The following FCSK variants were observed in gnomAD, a reference collection of about 807,000 sequenced individuals.
FCSK encodes the protein L-fucose kinase.
FCSK carries 123 observed loss-of-function variants against 122.5 expected under a neutral mutation model. The observed-to-expected ratio is 1.00, with a 90% CI of 0.87 to 1.17. FCSK has a LOEUF of 1.17. FCSK is among the 50% of genes most tolerant of loss of function. FCSK has a pLI of 0.00. For missense variants in FCSK, 1,366 were observed against 1,450.4 expected (o/e 0.94, Z 0.95); for synonymous variants, 620 against 625.5 (o/e 0.99, Z 0.13).
At chr16:70,475,239 G>A (rs2048767561) in intron 18 of FCSK, 111 bp from the exon 19 acceptor site, 9 of 1,315,740 alleles carry the variant, frequency 6.8e-6, no homozygotes, top group South Asian at 1.3e-5. Context: ...CTGCTGCTGG[G>A]CTTTTGTCCC....
intron 8 of FCSK, among the ~76,000 whole-genome samples, chr16:70,468,247 C>G (rs1392663185): frequency 2.6e-5 from 4 of 152,136 alleles, no homozygotes; most frequent in Non-Finnish European, 5.9e-5. Flanking sequence ...CGTGGTGAAA[C>G]CCTGTCTCTA....
rs757475030 is a variant in FCSK at position 70,469,294 on chromosome 16, G to T, written c.926G>T (p.Arg309Met). The change falls in exon 10 of 24, where the codon AGG becomes ATG. Residue 309 changes from arginine to methionine, a missense_variant. Arg to Met is a moderately conservative substitution (Grantham distance 91, BLOSUM62 -1). Transcript: ENST00000288078. ...CAGAGCGCCCGGGCCCAGCTGTGGA[G>T]GGAGCTTCGCGATCAGCCCCTTACC... ...YLQSARAQLW[R>M]ELRDQPLTMA... The T allele has an allele frequency of 6.2e-7, 1 of 1,609,460 alleles. No individual in the cohort carries two copies. Among genetic ancestry groups the T allele is most frequent in the South Asian group, 1.1e-5 (1 of 90,878 alleles).
chr16:70,479,262 T>A lies in FCSK; in HGVS notation c.3012T>A (p.Thr1004=). 1 of 1,613,962 alleles carries A rather than the reference T, an allele frequency of 6.2e-7. No homozygotes were observed. Among genetic ancestry groups the A allele is most frequent in the Non-Finnish European group, 8.5e-7 (1 of 1,180,026 alleles). The stretch of plus-strand genomic sequence containing the variant: ...TGGCTCCAGGCTGTGAGCCCCTGAC[T>A]GTGCGGCGTATGATGGATGTCCTGG... ...KLMAPGCEPL[T]VRRMMDVLAP... The change falls in exon 23 of 24, where the codon ACT becomes ACA. Residue 1004 remains threonine (T), a synonymous_variant. Transcript: ENST00000288078.
intron 10 of FCSK, among the ~76,000 whole-genome samples, chr16:70,470,047 G>A (rs1475325789): frequency 6.6e-6 from 1 of 151,660 alleles, no homozygotes; most frequent in African/African-American, 2.4e-5. Flanking sequence ...ATTTCACCAT[G>A]TTGGTCAGGC....
At chr16:70,460,957 G>A (rs2048247370) in intron 1 of FCSK, among the ~76,000 whole-genome samples, 2 of 152,214 alleles carry the variant, frequency 1.3e-5, no homozygotes. Context: ...TGGAGGGAGG[G>A]CTTGGTGGGC....
intron 20 of FCSK, among the ~76,000 whole-genome samples, chr16:70,476,493 G>C (rs1359874999): frequency 6.6e-6 from 1 of 151,332 alleles, no homozygotes. Context: ...GGGACAGCAA[G>C]AGCCCAACAA....
intron 8 of FCSK, among the ~76,000 whole-genome samples, chr16:70,468,489 A>G (rs886979453): frequency 6.6e-6 from 1 of 152,178 alleles, no homozygotes; most frequent in African/African-American, 2.4e-5. Flanking sequence ...AAAGCCTAGA[A>G]CCAGAATGTG....
In FCSK at chr16:70,463,735, G is replaced by A. The variant is rs150311768; in HGVS notation, c.195G>A (p.Leu65=). 1 of 1,612,266 alleles carries A rather than the reference G, an allele frequency of 6.2e-7. No homozygotes were observed. Among genetic ancestry groups the A allele is most frequent in the African/African-American group, 1.3e-5 (1 of 74,876 alleles). ...GSGGATLNAL[L]VAAEHLSARA... is the part of the protein sequence containing the mutation. ...GAGGAGCCACCCTCAACGCCCTGCT[G>A]GTGGCTGCTGAACACCTGAGTGCCC... The change falls in exon 3 of 24, where the codon CTG becomes CTA. Residue 65 remains leucine (L), a synonymous_variant. Coordinates refer to ENST00000288078, the MANE Select transcript of FCSK (RefSeq NM_145059.3).
rs2048528223 is a variant in FCSK at position 70,469,171 on chromosome 16, T to C, written c.803T>C (p.Ile268Thr). The change falls in exon 10 of 24, where the codon ATT (isoleucine) becomes ACT (threonine). Residue 268 changes from isoleucine to threonine, a missense_variant. Ile to Thr is a moderately conservative substitution (Grantham distance 89). Transcript: ENST00000288078. The part of the protein sequence containing the change: ...RPVQLSLFFD[I>T]LHCMAENVTR... ...CCCTAGCTGTCTCTGTTTTTTGACATTCTCCACTGCATGGCTGAGAACGTG... is the reference window on the plus strand; with the variant it reads ...CCCTAGCTGTCTCTGTTTTTTGACACTCTCCACTGCATGGCTGAGAACGTG... The C allele has an allele frequency of 2.5e-6, 4 of 1,614,078 alleles. No individual in the cohort carries two copies. The highest frequency in any genetic ancestry group is 1.3e-5 in the African/African-American group (1 of 74,950).
At position 70,475,500 on chromosome 16, in the gene FCSK, G is replaced by A. The variant is rs575062386; in HGVS notation, c.2521+7G>A. 26 of 1,600,606 alleles carry A rather than the reference G, an allele frequency of 1.6e-5. No homozygotes were observed. Among genetic ancestry groups the A allele is most frequent in the South Asian group, 1.5e-4 (14 of 90,944 alleles). ...CCCCACGGCTCTGGCCTGGGTGAGC[G>A]GGCCCTGCCTCCTGCTACCCACCGA... is the stretch of plus-strand genomic sequence containing the variant. On this transcript the variant is annotated splice_region_variant and intron_variant, in intron 19 of 23. Transcript: ENST00000288078.
Position 70,467,875 on chromosome 16 carries a change from C to G in FCSK, c.583-11C>G. 2.5e-6 allele frequency: 4 copies of G among 1,612,726 alleles called. No individual in the cohort carries two copies. Among genetic ancestry groups the G allele is most frequent in the Middle Eastern group, 1.7e-4 (1 of 6,060 alleles). Reference sequence around the variant, plus strand: ...GCTCCCTCCGCTGATTCTGTTTCTCCCTGCACATAGGGCCTTGTTTTGGAC... The same window carrying G: ...GCTCCCTCCGCTGATTCTGTTTCTCGCTGCACATAGGGCCTTGTTTTGGAC... On this transcript the variant is annotated splice_polypyrimidine_tract_variant and intron_variant, in intron 7 of 23. Transcript: ENST00000288078.
intron 1 of FCSK, among the ~76,000 whole-genome samples, chr16:70,455,754 T>C (rs563412734): frequency 1.1e-4 from 17 of 151,352 alleles, no homozygotes; most frequent in Non-Finnish European, 2.1e-4. Flanking sequence ...TAGCTGGGCG[T>C]GGTGGTGCAC....
At position 70,475,536 on chromosome 16, in the gene FCSK, C is replaced by T. The variant is rs750092043; in HGVS notation, c.2521+43C>T. ...CCTGCTACCCACCGACTGTTACAGC[C>T]CTCCAGCCTTGCCTGTGATCCCCCT... On this transcript the variant is annotated intron_variant, in intron 19 of 23. Coordinates refer to ENST00000288078, the MANE Select transcript of FCSK (RefSeq NM_145059.3). 8.8e-6 allele frequency: 14 copies of T among 1,594,806 alleles called. No individual in the cohort carries two copies. In the East Asian group the frequency reaches 2.9e-4, roughly 33 times the overall value.
chr16:70,459,190 T>C, intron 1 of FCSK, among the ~76,000 whole-genome samples: 1 of 144,880 alleles, frequency 6.9e-6, no homozygotes, highest in Non-Finnish European at 1.5e-5. Flanking sequence ...ACCACTACAC[T>C]CCAGTCTGGG....
In FCSK at chr16:70,474,277, G is replaced by T; in HGVS notation, c.1926G>T (p.Glu642Asp). ...PEWMRPFSYL[E>D]CGDLAAGVEA... ...GGATGCGGCCCTTCTCATACCTGGA[G>T]TGTGGAGACCTGGCAGCGGGCGTGG... The change falls in exon 16 of 24, where the codon GAG (glutamate) becomes GAT (aspartate). Residue 642 changes from glutamate (E) to aspartate (D), a missense_variant. Coordinates refer to ENST00000288078, the MANE Select transcript of FCSK (RefSeq NM_145059.3). 1 of 1,613,474 alleles carries T rather than the reference G, an allele frequency of 6.2e-7. No individual in the cohort carries two copies. The highest frequency in any genetic ancestry group is 8.5e-7 in the Non-Finnish European group (1 of 1,179,934).
intron 2 of FCSK, 134 bp from the exon 3 acceptor site, chr16:70,463,489 G>A (rs2048327900): frequency 1.7e-6 from 2 of 1,189,684 alleles, no homozygotes; most frequent in African/African-American, 1.5e-5. Flanking sequence ...TAAGTTGGGT[G>A]AAGATCTAGT....
In FCSK at chr16:70,474,177, G is replaced by A. The variant is rs1397643689; in HGVS notation, c.1826G>A (p.Cys609Tyr). The A allele has an allele frequency of 6.4e-7, 1 of 1,562,224 alleles. No homozygotes were observed. The highest frequency in any genetic ancestry group is 2.4e-5 in the East Asian group (1 of 41,850). The change falls in exon 16 of 24, where the codon TGT (cysteine) becomes TAT (tyrosine). Residue 609 changes from cysteine to tyrosine, a missense_variant. Physicochemically the swap from Cys to Tyr is radical, Grantham distance 194. Coordinates refer to ENST00000288078, the MANE Select transcript of FCSK (RefSeq NM_145059.3). Reference sequence around the variant, plus strand: ...GGTGTGGCGGCACGGGCACTGGCCTGTGTGGCGGACGTCCTGGGCTGCATG... The same window carrying A: ...GGTGTGGCGGCACGGGCACTGGCCTATGTGGCGGACGTCCTGGGCTGCATG... ...DPGVAARALACVADVLGCMAE... is the reference protein window; with the variant it reads ...DPGVAARALAYVADVLGCMAE...
Position 70,469,247 on chromosome 16 carries a change from T to C in FCSK, c.879T>C (p.Asp293=), listed in dbSNP as rs1228387057. 1.9e-6 allele frequency: 3 copies of C among 1,613,948 alleles called. No homozygotes were observed. Among genetic ancestry groups the C allele is most frequent in the South Asian group, 1.1e-5 (1 of 91,086 alleles). ...VGRPPELGQG[D]ADVAGYLQSA... ...GGCCCCCAGAGTTGGGGCAAGGCGATGCAGATGTAGCGGGTTATCTGCAGA... is the reference window on the plus strand; with the variant it reads ...GGCCCCCAGAGTTGGGGCAAGGCGACGCAGATGTAGCGGGTTATCTGCAGA... The change falls in exon 10 of 24, where the codon GAT becomes GAC. Residue 293 remains aspartate, a synonymous_variant. Transcript: ENST00000288078.
chr16:70,478,181 T>C, intron 20 of FCSK, 91 bp from the exon 21 acceptor site: 1 of 1,312,358 alleles, frequency 7.6e-7, no homozygotes, highest in Non-Finnish European at 1.1e-6. Context: ...TCCACACTGG[T>C]CCCAGCAAGG....
Sources: gnomAD v4.1 joint callset for allele counts (sites outside exome capture counted in the v4.1 genomes callset) on GRCh38, gnomAD v4.1.1 for gene constraint, MANE v1.5 for transcripts, NCBI Gene and HGNC (gene_info 2026-07-23, HGNC 2026-07-21) for gene names.